Variants in KRABD4 observed in about 807,000 individuals in gnomAD.
KRABD4 encodes KRAB domain containing 4.
chrX:46,474,398 G>T, the KRABD4 span: 1 of 111,322 alleles, frequency 9.0e-6, no homozygotes. Context: ...AATGGGTTCT[G>T]ACAGCAATCA....
the KRABD4 span, among the ~76,000 whole-genome samples, chrX:46,471,384 C>T: frequency 9.1e-6 from 1 of 110,253 alleles, no homozygotes; most frequent in South Asian, 3.9e-4. Context: ...AGAGAGTTTC[C>T]TTATACCTCT....
the KRABD4 span, among the ~76,000 whole-genome samples, chrX:46,461,934 A>T: frequency 0.017 from 1,756 of 102,799 alleles, 17 homozygotes; most frequent in Non-Finnish European, 0.026. Flanking sequence ...CCTCTGTTTC[A>T]TCTATGAGTG....
At chrX:46,463,652 A>G in the KRABD4 span, among the ~76,000 whole-genome samples, 3 of 109,801 alleles carry the variant, frequency 2.7e-5, no homozygotes, top group Non-Finnish European at 3.8e-5. Flanking sequence ...GGCCTTTTGT[A>G]TTTTCACCAT....
At chrX:46,473,541 A>G in the KRABD4 span, 1 of 616,447 alleles carries the variant, frequency 1.6e-6, no homozygotes, top group East Asian at 3.6e-5. Context: ...GTGTTAAATC[A>G]ACTCTCATTG....
At chrX:46,461,938 A>G in the KRABD4 span, among the ~76,000 whole-genome samples, 1,524 of 102,026 alleles carry the variant, frequency 0.015, 53 homozygotes, top group Admixed American at 0.12. Flanking sequence ...TGTTTCATCT[A>G]TGAGTGTCTT....
the KRABD4 span, chrX:46,473,221 C>T: frequency 7.6e-6 from 9 of 1,176,616 alleles, no homozygotes; most frequent in East Asian, 2.8e-4. Flanking sequence ...CTTAGTTGTA[C>T]ATCAAAGAAC....
chrX:46,464,930 G>A, the KRABD4 span, among the ~76,000 whole-genome samples: 1 of 45,457 alleles, frequency 2.2e-5, no homozygotes, highest in African/African-American at 1.1e-4. Context: ...CCTCCCAAGG[G>A]CAGCTTCTTC....
chrX:46,467,698 A>T, the KRABD4 span, among the ~76,000 whole-genome samples: 1 of 111,854 alleles, frequency 8.9e-6, no homozygotes, highest in Non-Finnish European at 1.9e-5. Context: ...TTTCTGTATG[A>T]TCAGTGATGT....
the KRABD4 span, among the ~76,000 whole-genome samples, chrX:46,448,923 A>G: frequency 8.9e-5 from 10 of 112,296 alleles, no homozygotes; most frequent in Non-Finnish European, 1.5e-4. Context: ...ATATATTTTT[A>G]GTTTATAGAA....
chrX:46,449,962 G>A, the KRABD4 span, among the ~76,000 whole-genome samples: 2 of 110,800 alleles, frequency 1.8e-5, no homozygotes, highest in African/African-American at 6.6e-5. Context: ...TCGCCATGTT[G>A]CCCAGGCTGG....
the KRABD4 span, among the ~76,000 whole-genome samples, chrX:46,471,863 C>T: frequency 3.6e-5 from 4 of 112,233 alleles, no homozygotes; most frequent in African/African-American, 1.3e-4. Context: ...ATCCATTCAC[C>T]TATTGAAGGA....
the KRABD4 span, among the ~76,000 whole-genome samples, chrX:46,470,345 C>T: frequency 6.3e-5 from 7 of 111,334 alleles, no homozygotes; most frequent in East Asian, 1.7e-3. Flanking sequence ...ATACCCATTC[C>T]TTCCCTCCCC....
At chrX:46,452,880 G>A in the KRABD4 span, among the ~76,000 whole-genome samples, 1 of 111,991 alleles carries the variant, frequency 8.9e-6, no homozygotes, top group Non-Finnish European at 1.9e-5. Context: ...TGTGATTTTT[G>A]CCATTGTGAG....
At chrX:46,450,385 A>G in the KRABD4 span, 36 of 851,158 alleles carry the variant, frequency 4.2e-5, no homozygotes, top group Middle Eastern at 5.5e-4. Context: ...ATGATGGTCT[A>G]ATGGCTGTAC....
At chrX:46,471,227 G>C in the KRABD4 span, 2 of 1,122,750 alleles carry the variant, frequency 1.8e-6, no homozygotes, top group African/African-American at 1.8e-5. Context: ...TCAAAGAATT[G>C]ACTGTTTTAT....
At chrX:46,456,150 A>G in the KRABD4 span, 2 of 207,508 alleles carry the variant, frequency 9.6e-6, no homozygotes, top group African/African-American at 2.9e-5. Context: ...TTCAGCATCT[A>G]TAGGATAGAT....
chrX:46,460,286 G>A, the KRABD4 span, among the ~76,000 whole-genome samples: 1 of 110,807 alleles, frequency 9.0e-6, no homozygotes, highest in Non-Finnish European at 1.9e-5. Context: ...GTGTGGTGGT[G>A]CATGCCTATA....
chrX:46,462,919 G>C, the KRABD4 span: 4 of 1,200,504 alleles, frequency 3.3e-6, no homozygotes, highest in African/African-American at 1.8e-5. Context: ...CTCCAGTACT[G>C]TGTTTCTTTC....
the KRABD4 span, among the ~76,000 whole-genome samples, chrX:46,463,854 C>T: frequency 9.1e-6 from 1 of 109,917 alleles, no homozygotes; most frequent in African/African-American, 3.3e-5. Flanking sequence ...GACCTTTACC[C>T]AGCCAGGTAC....
Sources: gnomAD v4.1 joint callset for allele counts (sites outside exome capture counted in the v4.1 genomes callset) on GRCh38, gnomAD v4.1.1 for gene constraint, MANE v1.5 for transcripts, NCBI Gene and HGNC (gene_info 2026-07-23, HGNC 2026-07-21) for gene names.